The following TACC2 variants were observed in gnomAD, a reference collection of about 807,000 sequenced individuals.
TACC2 encodes the protein transforming acidic coiled-coil-containing protein 2.
A neutral mutation model predicts 227.3 loss-of-function variants in TACC2; 137 were observed. The observed-to-expected ratio is 0.60, with a 90% CI of 0.52 to 0.69. TACC2 has a LOEUF of 0.69. Among genes scored for constraint, TACC2 ranks in the 30% least tolerant of loss-of-function variants. TACC2 has a pLI of 0.00. For synonymous variants in TACC2, 1,523 were observed against 1,487.5 expected (o/e 1.02, Z -0.55); for missense variants, 3,470 against 3,694.4 (o/e 0.94, Z 1.57).
intron 6 of TACC2, among the ~76,000 whole-genome samples, chr10:122,142,602 C>CTGGG (rs1353253962): frequency 6.6e-6 from 1 of 152,206 alleles, no homozygotes; most frequent in Non-Finnish European, 1.5e-5. Context: ...CTCCTGCAAT[C>CTGGG]TGGGAGCTCC....
In TACC2 at chr10:122,084,087, A is replaced by G. The variant is rs1446995731; in HGVS notation, c.1587A>G (p.Gly529=). ...AGCAAAGCCATGAGGTCCAACCAGG[A>G]GCACCACCCCCTCCTCTTCCCAAGG... The part of the protein sequence containing the change: ...PKEQSHEVQP[G]APPPPLPKAP... Residue 529 remains glycine, a synonymous_variant, in exon 4 of 23, where the codon GGA becomes GGG. Coordinates refer to ENST00000369005, the MANE Select transcript of TACC2 (RefSeq NM_206862.4). The G allele has an allele frequency of 6.2e-7, 1 of 1,614,080 alleles. No individual in the cohort carries two copies. The highest frequency in any genetic ancestry group is 1.7e-5 in the Admixed American group (1 of 60,000).
intron 7 of TACC2, among the ~76,000 whole-genome samples, chr10:122,167,035 T>C (rs1180747398): frequency 3.9e-5 from 6 of 152,212 alleles, no homozygotes; most frequent in Non-Finnish European, 8.8e-5. Context: ...TTAAGTACTT[T>C]GTCCTTTATG....
chr10:122,054,679 G>A (rs911315886), intron 3 of TACC2, among the ~76,000 whole-genome samples: 10 of 152,200 alleles, frequency 6.6e-5, no homozygotes, highest in Admixed American at 5.9e-4. Context: ...GCAGTGTTTC[G>A]AGATGACCGG....
chr10:122,178,887 A>C (rs1376956914), intron 7 of TACC2, among the ~76,000 whole-genome samples: 1 of 152,138 alleles, frequency 6.6e-6, no homozygotes, highest in Non-Finnish European at 1.5e-5. Flanking sequence ...AACAAAACAA[A>C]ACACAGGATA....
In TACC2 at chr10:122,087,314, C is replaced by T. The variant is rs900024723; in HGVS notation, c.4814C>T (p.Ala1605Val). 1 of 1,614,010 alleles carries T rather than the reference C, an allele frequency of 6.2e-7. No individual in the cohort carries two copies. The highest frequency in any genetic ancestry group is 1.7e-5 in the Admixed American group (1 of 60,034). The change falls in exon 4 of 23, where the codon GCC (alanine) becomes GTC (valine). Residue 1605 changes from alanine to valine, a missense_variant. Around this residue, in one of 10 missense-constraint regions of TACC2, gnomAD observed 1,924 missense variants for 1,978.3 expected, o/e 0.97. Transcript: ENST00000369005. ...GGAAAGCAGCACCAGGAAACATCTG[C>T]CTGCGACAGTCCACATGGAGAAGAT... Reference protein sequence around the residue: ...PSGKQHQETSACDSPHGEDGP... With the variant: ...PSGKQHQETSVCDSPHGEDGP...
chr10:122,022,073 G>C (rs1957403127), intron 2 of TACC2, 59 bp downstream of exon 2: 4 of 1,582,068 alleles, frequency 2.5e-6, no homozygotes, highest in Non-Finnish European at 3.5e-6. Context: ...ACCTTGACTA[G>C]GTTCTTTTTA....
chr10:122,090,629 T>A (rs1462922130), intron 5 of TACC2, among the ~76,000 whole-genome samples: 1 of 151,788 alleles, frequency 6.6e-6, no homozygotes, highest in Non-Finnish European at 1.5e-5. Context: ...CCAATTATTA[T>A]TGCGTATTTT....
intron 1 of TACC2, among the ~76,000 whole-genome samples, chr10:121,991,901 A>G (rs1361542752): frequency 1.3e-5 from 2 of 152,194 alleles, no homozygotes; most frequent in African/African-American, 2.4e-5. Context: ...AGGAGGAGCA[A>G]GTCACATCTT....
chr10:122,221,957 T>C (rs1438398130), intron 11 of TACC2, among the ~76,000 whole-genome samples: 2 of 152,190 alleles, frequency 1.3e-5, no homozygotes, highest in Admixed American at 6.5e-5. Flanking sequence ...GAAAGCAGCA[T>C]TGAAGGCCCC....
At chr10:122,014,554 C>T (rs910549668) in intron 1 of TACC2, among the ~76,000 whole-genome samples, 3 of 152,146 alleles carry the variant, frequency 2.0e-5, no homozygotes, top group Non-Finnish European at 4.4e-5. Context: ...CTCCCTGCCC[C>T]TCTCCACCCC....
intron 2 of TACC2, among the ~76,000 whole-genome samples, chr10:122,045,781 A>T (rs1306091072): frequency 1.3e-5 from 2 of 152,248 alleles, no homozygotes; most frequent in Non-Finnish European, 2.9e-5. Flanking sequence ...GAAAAGTGCA[A>T]TGTGCCATTC....
chr10:122,237,815 G>C (rs995564868), intron 17 of TACC2, 146 bp from the exon 18 acceptor site: 1 of 716,858 alleles, frequency 1.4e-6, no homozygotes, highest in Non-Finnish European at 2.3e-6. Flanking sequence ...TTATGCTCGG[G>C]GAAGTTCTCT....
chr10:122,027,102 A>T (rs1352365723), intron 2 of TACC2, among the ~76,000 whole-genome samples: 2 of 152,160 alleles, frequency 1.3e-5, no homozygotes, highest in African/African-American at 4.8e-5. Context: ...TTCCTGTTCC[A>T]TATCCTCCCC....
At chr10:122,219,982 G>A (rs1464698808) in intron 11 of TACC2, among the ~76,000 whole-genome samples, 1 of 151,488 alleles carries the variant, frequency 6.6e-6, no homozygotes, top group African/African-American at 2.4e-5. Context: ...AGGTTGCAAT[G>A]AGCCAAGATC....
At chr10:122,160,320 C>T (rs1424956660) in intron 7 of TACC2, among the ~76,000 whole-genome samples, 2 of 152,142 alleles carry the variant, frequency 1.3e-5, no homozygotes, top group African/African-American at 4.8e-5. Flanking sequence ...CAGACAGGCC[C>T]CCAGGGGCTG....
At chr10:122,126,316 C>CTGTGTGTTTGTGTGTGTG (rs1555053283) in intron 5 of TACC2, among the ~76,000 whole-genome samples, 1 of 142,018 alleles carries the variant, frequency 7.0e-6, no homozygotes, top group Admixed American at 7.3e-5. Context: ...TAATCCAGAA[C>CTGTGTGTTTGTGTGTGTG]TGTGTGTGTG....
At chr10:122,037,158 C>T (rs1297751395) in intron 2 of TACC2, among the ~76,000 whole-genome samples, 1 of 152,150 alleles carries the variant, frequency 6.6e-6, no homozygotes. Flanking sequence ...AATAGTGTAA[C>T]AGGTATGGGA....
At chr10:122,238,058 T>C (rs1428328765) in intron 18 of TACC2, 21 bp downstream of exon 18, 1 of 1,604,408 alleles carries the variant, frequency 6.2e-7, no homozygotes, top group Non-Finnish European at 8.5e-7. Flanking sequence ...GAGCTGGGCC[T>C]TCCTCGTGCC....
chr10:122,133,823 C>G (rs190755246), intron 6 of TACC2, among the ~76,000 whole-genome samples: 23 of 152,320 alleles, frequency 1.5e-4, no homozygotes, highest in Admixed American at 1.5e-3. Flanking sequence ...CTTCACTAGA[C>G]TGGGAACTCC....
Sources: allele counts gnomAD v4.1 joint callset (sites outside exome capture counted in the v4.1 genomes callset), GRCh38; gene constraint gnomAD v4.1.1; regional missense constraint gnomAD v4.1.1; transcripts MANE v1.5; gene names NCBI Gene and HGNC (gene_info 2026-07-23, HGNC 2026-07-21).